RALGPS2: variants seen among roughly 807,000 people sequenced by gnomAD.
RALGPS2 encodes the protein Ral GEF with PH domain and SH3 binding motif 2.
In RALGPS2, 43 loss-of-function variants were observed where a neutral mutation model predicts 86.8. The ratio of observed to expected loss-of-function variants is 0.50; its 90% CI spans 0.39 to 0.64. RALGPS2 has a LOEUF of 0.64. RALGPS2 is among the 30% of genes least tolerant of loss of function. The pLI is 0.00. For synonymous variants in RALGPS2, 243 were observed against 231.3 expected (o/e 1.05, Z -0.46); for missense variants, 536 against 694.6 (o/e 0.77, Z 2.57).
chr1:178,900,981 T>C (rs1660148369), intron 17 of RALGPS2, among the ~76,000 whole-genome samples: 1 of 152,106 alleles, frequency 6.6e-6, no homozygotes, highest in Non-Finnish European at 1.5e-5. Flanking sequence ...ATAGTATTCA[T>C]GTCGAAGTAC....
rs367579998 is a variant in RALGPS2 at position 178,865,160 on chromosome 1, C to T, written c.608-12338C>T. The T allele has an allele frequency of 1.2e-5, 19 of 1,606,650 alleles. 1 individual carries two copies. In the African/African-American group the frequency reaches 1.7e-4, roughly 15 times the overall value. On this transcript the variant is annotated intron_variant, in intron 8 of 19. Transcript: ENST00000367635. ...TGGGGGAGACACATGGGTGTCTTGTCGGGAAAATATCCTCAAGCACTGTTC... is the reference window on the plus strand; with the variant it reads ...TGGGGGAGACACATGGGTGTCTTGTTGGGAAAATATCCTCAAGCACTGTTC...
intron 8 of RALGPS2, among the ~76,000 whole-genome samples, chr1:178,840,831 C>G (rs1656569088): frequency 1.3e-5 from 2 of 152,008 alleles, no homozygotes; most frequent in South Asian, 4.2e-4. Context: ...ACTACCGATC[C>G]CACAGAAATA....
intron 7 of RALGPS2, among the ~76,000 whole-genome samples, chr1:178,822,621 G>C (rs1307999026): frequency 6.7e-6 from 1 of 149,718 alleles, no homozygotes; most frequent in Non-Finnish European, 1.5e-5. Flanking sequence ...AAAAACATTA[G>C]TATGGAAAAG....
Position 178,833,658 on chromosome 1 carries a change from ATTAC to A in RALGPS2, c.607+111_607+114del. 2.8e-6 allele frequency: 4 copies of A among 1,434,510 alleles called. No homozygotes were observed. In the South Asian group the frequency reaches 6.2e-5, roughly 22 times the overall value. 88.9% of individuals were successfully genotyped at this position (1,434,510 alleles called of 1,614,324 possible). A position where few individuals can be genotyped will look rare whatever the true frequency, so the allele number is the denominator to read the frequency against. On this transcript the variant is annotated intron_variant, in intron 8 of 19. Transcript: ENST00000367635. ...TTAAATGTTTGTATCTTTTAAATAA[ATTAC>A]TTCAAGATTGGTAAGCTGAAAAAAA...
chr1:178,879,747 C>G (rs1659155504), intron 10 of RALGPS2: 1 of 146,300 alleles, frequency 6.8e-6, no homozygotes, highest in African/African-American at 2.6e-5. Flanking sequence ...CGAGAGTGCA[C>G]CATTGCACTC....
intron 2 of RALGPS2, among the ~76,000 whole-genome samples, chr1:178,777,083 C>T (rs1446868410): frequency 1.3e-5 from 2 of 148,394 alleles, no homozygotes; most frequent in Non-Finnish European, 3.0e-5. Flanking sequence ...GTATATCTCC[C>T]AATGCTATCC....
At chr1:178,879,789 A>T (rs1329893399) in intron 10 of RALGPS2, 2 of 46,922 alleles carry the variant, frequency 4.3e-5, no homozygotes, top group African/African-American at 1.6e-4. Flanking sequence ...AACTCCGTCT[A>T]AAAAAAAAAA....
intron 1 of RALGPS2, among the ~76,000 whole-genome samples, chr1:178,752,511 C>T (rs1328193646): frequency 6.6e-6 from 1 of 151,928 alleles, no homozygotes; most frequent in African/African-American, 2.4e-5. Context: ...ACTCCTACTG[C>T]TGGTGATCAA....
intron 7 of RALGPS2, among the ~76,000 whole-genome samples, chr1:178,827,947 A>G (rs1177531213): frequency 2.6e-5 from 4 of 152,178 alleles, no homozygotes; most frequent in African/African-American, 4.8e-5. Flanking sequence ...ATCTCATACC[A>G]TCTGCAAAAA....
intron 1 of RALGPS2, among the ~76,000 whole-genome samples, chr1:178,749,249 G>A (rs977204565): frequency 3.9e-5 from 6 of 152,150 alleles, no homozygotes; most frequent in African/African-American, 1.4e-4. Flanking sequence ...CACTTTGGGA[G>A]GCCAAGGTGG....
intron 1 of RALGPS2, among the ~76,000 whole-genome samples, chr1:178,739,982 C>T (rs1298706568): frequency 6.6e-6 from 1 of 152,114 alleles, no homozygotes; most frequent in Admixed American, 6.6e-5. Context: ...TAACTCTGAG[C>T]GGTATTTGAA....
intron 6 of RALGPS2, among the ~76,000 whole-genome samples, chr1:178,815,916 T>C (rs902129598): frequency 1.3e-5 from 2 of 152,238 alleles, no homozygotes; most frequent in African/African-American, 2.4e-5. Flanking sequence ...TTGCATGTTA[T>C]TGATAATTCT....
In RALGPS2 at chr1:178,773,572, T is replaced by C. The variant is rs558801690; in HGVS notation, c.-83-3110T>C. ...TAATATCGTATAAGCCTCTCTGTTA[T>C]ACTTCAACATTATTAAATACTATTG... On this transcript the variant is annotated intron_variant, in intron 1 of 19. Coordinates refer to ENST00000367635, the MANE Select transcript of RALGPS2 (RefSeq NM_152663.5). Among the ~76,000 whole-genome samples, 58 of 152,274 alleles carry C rather than the reference T, an allele frequency of 3.8e-4. 1 individual carries two copies. Among genetic ancestry groups the C allele is most frequent in the Admixed American group, 3.1e-3 (47 of 15,282 alleles).
chr1:178,757,953 T>C (rs1325910419), intron 1 of RALGPS2, among the ~76,000 whole-genome samples: 2 of 152,204 alleles, frequency 1.3e-5, no homozygotes, highest in Admixed American at 6.5e-5. Flanking sequence ...TTATTACTTA[T>C]TCAGTTTTGG....
At chr1:178,790,179 A>G (rs961945971) in intron 4 of RALGPS2, among the ~76,000 whole-genome samples, 1 of 151,882 alleles carries the variant, frequency 6.6e-6, no homozygotes, top group African/African-American at 2.4e-5. Flanking sequence ...CTCAAACTCC[A>G]AGGCTCGAGT....
At chr1:178,760,084 C>G (rs191440772) in intron 1 of RALGPS2, among the ~76,000 whole-genome samples, 1 of 152,190 alleles carries the variant, frequency 6.6e-6, no homozygotes, top group East Asian at 1.9e-4. Flanking sequence ...TTTCTTTTGT[C>G]TGATTGCCCT....
Position 178,808,046 on chromosome 1 carries a change from A to G in RALGPS2, c.215A>G (p.Glu72Gly). The G allele has an allele frequency of 6.2e-7, 1 of 1,601,066 alleles. No individual in the cohort carries two copies. Among genetic ancestry groups the G allele is most frequent in the Non-Finnish European group, 8.6e-7 (1 of 1,169,320 alleles). The change falls in exon 5 of 20, where the codon GAG (glutamate) becomes GGG (glycine). Residue 72 changes from glutamate (E) to glycine (G), a missense_variant and splice_region_variant. Glu to Gly is a moderately conservative substitution (Grantham distance 98, BLOSUM62 -2). Around this residue, in one of 3 missense-constraint regions of RALGPS2, gnomAD observed 184 missense variants for 296.7 expected, o/e 0.62. Transcript: ENST00000367635. ...VPVFKAIQPD[E>G]LSSCGWNKKE... is the part of the protein sequence containing the mutation. ...TTAATTTTCACCTTAATTTTCCAGG[A>G]GCTTTCAAGTTGTGGATGGAATAAA...
chr1:178,783,114 G>A (rs937372782), intron 2 of RALGPS2, among the ~76,000 whole-genome samples: 1 of 152,134 alleles, frequency 6.6e-6, no homozygotes, highest in African/African-American at 2.4e-5. Flanking sequence ...AAAGCGTACA[G>A]CATGCGAGAA....
intron 7 of RALGPS2, among the ~76,000 whole-genome samples, chr1:178,823,647 G>C (rs959253848): frequency 6.6e-6 from 1 of 152,198 alleles, no homozygotes; most frequent in Non-Finnish European, 1.5e-5. Flanking sequence ...AGTGGTTAGT[G>C]TTGACAGTAG....
Sources: allele counts gnomAD v4.1 joint callset (sites outside exome capture counted in the v4.1 genomes callset), GRCh38; gene constraint gnomAD v4.1.1; regional missense constraint gnomAD v4.1.1; transcripts MANE v1.5; gene names NCBI Gene and HGNC (gene_info 2026-07-23, HGNC 2026-07-21).